The following TIAM2 variants were observed in gnomAD, a reference collection of about 807,000 sequenced individuals.
TIAM2 encodes the protein TIAM Rac1 associated GEF 2, also known as rho guanine nucleotide exchange factor TIAM2.
In TIAM2, 80 loss-of-function variants were observed where a neutral mutation model predicts 152.9. The observed-to-expected ratio is 0.52, with a 90% CI of 0.44 to 0.63. TIAM2 has a LOEUF of 0.63. Among genes scored for constraint, TIAM2 ranks in the 30% least tolerant of loss-of-function variants. TIAM2 has a pLI of 0.00. For synonymous variants in TIAM2, 804 were observed against 838.0 expected (o/e 0.96, Z 0.70); for missense variants, 1,965 against 2,120.1 (o/e 0.93, Z 1.44).
In TIAM2 at chr6:155,014,396, G is replaced by A. The variant is rs1014790716; in HGVS notation, c.-209+18904G>A. 8.5e-5 allele frequency among the ~76,000 whole-genome samples: 13 copies of A among 152,176 alleles called. 2 individuals are homozygous for A. Among genetic ancestry groups the A allele is most frequent in the South Asian group, 8.3e-4 (4 of 4,822 alleles). ...CTTTCTCAAATTACTACAGTATTAT[G>A]TTAAGTAGTTTTTGTGTTTTGTCTC... is the stretch of plus-strand genomic sequence containing the variant. On this transcript the variant is annotated intron_variant, in intron 1 of 26. Coordinates refer to ENST00000682666, the MANE Select transcript of TIAM2 (RefSeq NM_012454.4).
chr6:155,248,226 G>T, intron 20 of TIAM2, 47 bp downstream of exon 20: 1 of 1,573,144 alleles, frequency 6.4e-7, no homozygotes. Context: ...ACAGGGCGGC[G>T]AGGGGCTGCC....
At chr6:155,107,083 A>G (rs552904263) in intron 2 of TIAM2, among the ~76,000 whole-genome samples, 2 of 152,178 alleles carry the variant, frequency 1.3e-5, no homozygotes, top group Non-Finnish European at 2.9e-5. Context: ...GGATGTGTAT[A>G]TAGACTCTAG....
At chr6:155,001,051 C>T (rs533109507) in intron 1 of TIAM2, among the ~76,000 whole-genome samples, 1 of 151,990 alleles carries the variant, frequency 6.6e-6, no homozygotes, top group African/African-American at 2.4e-5. Flanking sequence ...GGGAAGCAAG[C>T]CTGGAAGAAA....
intron 1 of TIAM2, among the ~76,000 whole-genome samples, chr6:155,047,361 G>A (rs1410600261): frequency 6.6e-6 from 1 of 151,994 alleles, no homozygotes; most frequent in Non-Finnish European, 1.5e-5. Flanking sequence ...TATATTTTTA[G>A]TAGAGATGGG....
At chr6:155,114,050 C>CTTTTT (rs1275422426) in intron 2 of TIAM2, among the ~76,000 whole-genome samples, 19 of 58,258 alleles carry the variant, frequency 3.3e-4, no homozygotes, top group African/African-American at 4.3e-4. Flanking sequence ...TTTTTTTTTT[C>CTTTTT]TTTTTTTTTT....
At chr6:155,141,492 C>T (rs563134141) in intron 5 of TIAM2, among the ~76,000 whole-genome samples, 18 of 152,128 alleles carry the variant, frequency 1.2e-4, no homozygotes, top group African/African-American at 3.9e-4. Flanking sequence ...TGGAGAGAGC[C>T]GTTATTAACA....
chr6:155,188,534 C>G lies in TIAM2; in HGVS notation c.3064+5034C>G, dbSNP rs140572231. Among the ~76,000 whole-genome samples, 1,042 of 152,274 alleles carry G rather than the reference C, an allele frequency of 6.8e-3. 12 individuals are homozygous for G. Among genetic ancestry groups the G allele is most frequent in the African/African-American group, 0.024 (978 of 41,540 alleles). Reference sequence around the variant, plus strand: ...TGAGCGGAAATATCATCTGTAAAAACTTTTTATGGAGAGAATTAATTTTAC... The same window carrying G: ...TGAGCGGAAATATCATCTGTAAAAAGTTTTTATGGAGAGAATTAATTTTAC... On this transcript the variant is annotated intron_variant, in intron 14 of 26. Transcript: ENST00000682666.
chr6:155,076,263 A>C (rs1157412013), intron 1 of TIAM2, among the ~76,000 whole-genome samples: 2 of 152,146 alleles, frequency 1.3e-5, no homozygotes, highest in Non-Finnish European at 2.9e-5. Flanking sequence ...ATCTCGGCTC[A>C]AATTATATTA....
chr6:155,166,235 C>T (rs184669894), intron 9 of TIAM2, among the ~76,000 whole-genome samples: 8 of 152,170 alleles, frequency 5.3e-5, no homozygotes, highest in East Asian at 3.9e-4. Context: ...CCTAAGTCCA[C>T]GGTCTTGAAA....
At chr6:155,245,755 G>GTTTTTTTTTTTTTTT in intron 19 of TIAM2, 24 bp downstream of exon 19, 2 of 1,022,124 alleles carry the variant, frequency 2.0e-6, no homozygotes. Flanking sequence ...GCCTTTTATA[G>GTTTTTTTTTTTTTTT]TTTTTTTTTT....
At chr6:155,140,616 G>GAGA (rs1779676708) in intron 5 of TIAM2, among the ~76,000 whole-genome samples, 1 of 142,194 alleles carries the variant, frequency 7.0e-6, no homozygotes, top group Non-Finnish European at 1.5e-5. Context: ...GAGAGAGAGA[G>GAGA]AATATACCAC....
At chr6:155,220,852 G>A (rs532064765) in intron 15 of TIAM2, among the ~76,000 whole-genome samples, 64 of 152,122 alleles carry the variant, frequency 4.2e-4, no homozygotes, top group African/African-American at 1.5e-3. Context: ...TGCCACGCTG[G>A]TTTGCTGCAC....
At chr6:155,151,953 C>T (rs886701296) in intron 7 of TIAM2, among the ~76,000 whole-genome samples, 2 of 151,008 alleles carry the variant, frequency 1.3e-5, no homozygotes, top group Non-Finnish European at 2.9e-5. Context: ...CAAGCGATTC[C>T]CATGCGTCAG....
chr6:155,199,346 G>A (rs1232405231), intron 14 of TIAM2, among the ~76,000 whole-genome samples: 1 of 152,146 alleles, frequency 6.6e-6, no homozygotes, highest in African/African-American at 2.4e-5. Context: ...CCAAAGTGCT[G>A]GGATTACAGG....
chr6:155,227,587 T>C (rs17812836), intron 15 of TIAM2, among the ~76,000 whole-genome samples: 1,761 of 152,318 alleles, frequency 0.012, 18 homozygotes, highest in Non-Finnish European at 0.018. Context: ...GGGAGAAAAC[T>C]GTATTTAAGT....
chr6:155,157,017 T>A lies in TIAM2; in HGVS notation c.2029-7398T>A, dbSNP rs145755975. On this transcript the variant is annotated intron_variant, in intron 7 of 26. Coordinates refer to ENST00000682666, the MANE Select transcript of TIAM2 (RefSeq NM_012454.4). The stretch of plus-strand genomic sequence containing the variant: ...CTGTGCCACTGCTGTCATCCATGGC[T>A]TTGTCATGATTTCTTCGTGTGTAAG... 9.2e-5 allele frequency among the ~76,000 whole-genome samples: 14 copies of A among 152,362 alleles called. 1 individual carries two copies. Among genetic ancestry groups the A allele is most frequent in the East Asian group, 3.9e-4 (2 of 5,184 alleles).
At position 155,137,510 on chromosome 6, in the gene TIAM2, G is replaced by C; in HGVS notation, c.1528G>C (p.Ala510Pro). Residue 510 changes from alanine (A) to proline (P), a missense_variant, in exon 5 of 27, where the codon GCC becomes CCC. Ala to Pro is a conservative substitution (Grantham distance 27, BLOSUM62 -1). Around this residue, in one of 3 missense-constraint regions of TIAM2, gnomAD observed 1,025 missense variants for 1,119.4 expected, o/e 0.92. Coordinates refer to ENST00000682666, the MANE Select transcript of TIAM2 (RefSeq NM_012454.4). Reference protein sequence around the residue: ...FEKEQGVVRKAGWLFFKPLVT... With the variant: ...FEKEQGVVRKPGWLFFKPLVT... Reference sequence around the variant, plus strand: ...GAAGGAACAGGGGGTGGTCCGGAAGGCCGGGTGGCTCTTCTTCAAGCCCCT... The same window carrying C: ...GAAGGAACAGGGGGTGGTCCGGAAGCCCGGGTGGCTCTTCTTCAAGCCCCT... 1 of 1,614,152 alleles carries C rather than the reference G, an allele frequency of 6.2e-7. No individual in the cohort carries two copies. The highest frequency in any genetic ancestry group is 1.1e-5 in the South Asian group (1 of 91,078).
chr6:155,037,207 T>A (rs986247957), intron 1 of TIAM2, among the ~76,000 whole-genome samples: 1 of 152,206 alleles, frequency 6.6e-6, no homozygotes, highest in African/African-American at 2.4e-5. Flanking sequence ...AGCTTCAATT[T>A]TCTCATCTGT....
intron 16 of TIAM2, among the ~76,000 whole-genome samples, 144 bp from the exon 17 acceptor site, chr6:155,243,846 CAAAAAAAAAAAAAAAAAAAAA>C (rs59365890): frequency 1.8e-5 from 1 of 55,024 alleles, no homozygotes; most frequent in African/African-American, 8.1e-5. Context: ...GACTCCGTCT[CAAAAAAAAAAAAAAAAAAAAA>C]AAAAAAAAAA....
Sources: allele counts gnomAD v4.1 joint callset (sites outside exome capture counted in the v4.1 genomes callset), GRCh38; gene constraint gnomAD v4.1.1; regional missense constraint gnomAD v4.1.1; transcripts MANE v1.5; gene names NCBI Gene and HGNC (gene_info 2026-07-23, HGNC 2026-07-21).